The following GLIS3 variants were observed in gnomAD, a reference collection of about 807,000 sequenced individuals.
The protein encoded by GLIS3 is GLIS family zinc finger 3.
In GLIS3, 53 loss-of-function variants were observed where a neutral mutation model predicts 78.6. The observed-to-expected ratio is 0.67, with a 90% CI of 0.54 to 0.85. The LOEUF (loss-of-function observed/expected upper bound fraction) is 0.85, where lower values mean the gene tolerates loss of function less well. GLIS3 is among the 40% of genes least tolerant of loss of function. GLIS3 has a pLI of 0.00. For synonymous variants in GLIS3, 684 were observed against 509.9 expected (o/e 1.34, Z -4.60); for missense variants, 1,703 against 1,231.1 (o/e 1.38, Z -5.74).
chr9:4,383,717 C>G, the GLIS3 span, among the ~76,000 whole-genome samples: 2 of 152,196 alleles, frequency 1.3e-5, no homozygotes, highest in Admixed American at 1.3e-4. Context: ...GGTAATATGA[C>G]TTGATCATCT....
intron 2 of GLIS3, among the ~76,000 whole-genome samples, chr9:4,204,217 A>G (rs897702742): frequency 1.3e-5 from 2 of 152,214 alleles, no homozygotes; most frequent in Admixed American, 6.5e-5. Flanking sequence ...AATTTTGAAA[A>G]TATCTTCTGA....
At position 4,240,972 on chromosome 9, in the gene GLIS3, T is replaced by C. The variant is rs1427793486; in HGVS notation, c.388+45066A>G. On this transcript the variant is annotated intron_variant, in intron 2 of 10. Coordinates refer to ENST00000381971, the MANE Select transcript of GLIS3 (RefSeq NM_001042413.2). ...ATGTATGAGTGTGTGTGTGTGTGTG[T>C]ACGTGTGTACATATTTTAAACTAAT... Among the ~76,000 whole-genome samples, 11 of 146,418 alleles carry C rather than the reference T, an allele frequency of 7.5e-5. No individual in the cohort carries two copies. The Admixed American group carries it at 7.6e-4, about 10-fold the overall frequency.
chr9:4,028,185 A>G (rs1279057766), intron 4 of GLIS3, among the ~76,000 whole-genome samples: 3 of 152,228 alleles, frequency 2.0e-5, no homozygotes, highest in Admixed American at 6.5e-5. Context: ...TCCAATGCAC[A>G]TATAGGAGCC....
intron 4 of GLIS3, among the ~76,000 whole-genome samples, chr9:3,951,892 A>ACACACC (rs1229732174): frequency 2.7e-5 from 4 of 149,740 alleles, no homozygotes; most frequent in African/African-American, 9.8e-5. Context: ...ACACGCACGC[A>ACACACC]CACACCCACT....
Position 3,977,233 on chromosome 9 carries a change from C to T in GLIS3, c.1711-40044G>A, listed in dbSNP as rs990840332. 6.6e-6 allele frequency among the ~76,000 whole-genome samples: 1 copy of T among 152,150 alleles called. No homozygotes were observed. The highest frequency in any genetic ancestry group is 6.6e-5 in the Admixed American group (1 of 15,260). ...GACAAAAGACCTTGCTAGGCCACCC[C>T]TCCTCCACCCAGATATTAGATCCAC... On this transcript the variant is annotated intron_variant, in intron 4 of 10. Transcript: ENST00000381971. The surrounding 1 kb of genome is among the most constrained non-coding windows in gnomAD (Gnocchi z 4.1).
the GLIS3 span, among the ~76,000 whole-genome samples, chr9:4,471,861 A>T: frequency 1.3e-5 from 2 of 152,360 alleles, no homozygotes; most frequent in South Asian, 4.1e-4. Context: ...TACCCGTCTG[A>T]CAGAGGGCTA....
At chr9:4,372,307 G>C in the GLIS3 span, among the ~76,000 whole-genome samples, 1 of 152,066 alleles carries the variant, frequency 6.6e-6, no homozygotes, top group Non-Finnish European at 1.5e-5. Flanking sequence ...TTTTAACCAG[G>C]TTGTATTAAT....
chr9:4,316,238 C>T (rs1040706456), intron 2 of GLIS3, among the ~76,000 whole-genome samples: 2 of 152,164 alleles, frequency 1.3e-5, no homozygotes, highest in African/African-American at 2.4e-5. Context: ...AATCATTAAA[C>T]TCATCTAGCT....
chr9:4,119,055 C>T (rs1343612527), intron 3 of GLIS3, among the ~76,000 whole-genome samples, 174 bp from the exon 4 acceptor site: 1 of 152,158 alleles, frequency 6.6e-6, no homozygotes, highest in East Asian at 1.9e-4. Flanking sequence ...CTTCCAGTTC[C>T]AGGTAAATAA....
intron 2 of GLIS3, among the ~76,000 whole-genome samples, chr9:4,326,475 T>A (rs1294230874): frequency 6.6e-6 from 1 of 152,180 alleles, no homozygotes; most frequent in Admixed American, 6.5e-5. Context: ...AGATTCCACT[T>A]ACATGAAGTA....
In GLIS3 at chr9:4,118,554, C is replaced by T; in HGVS notation, c.924G>A (p.Leu308=). 1 of 1,614,246 alleles carries T rather than the reference C, an allele frequency of 6.2e-7. No homozygotes were observed. The highest frequency in any genetic ancestry group is 8.5e-7 in the Non-Finnish European group (1 of 1,180,044). Residue 308 remains leucine, a synonymous_variant, in exon 4 of 11, where the codon CTG becomes CTA. Transcript: ENST00000381971. This position sits in a 1 kb window ranked among gnomAD's most constrained non-coding sequence, Gnocchi z 4.7. ...TGAAATCTATCCCGATGCCATCGGA[C>T]AGCGGGGACAAGGACAGCGCTCTCT... ...SKKRALSLSP[L]SDGIGIDFNT... is the part of the protein sequence containing the mutation.
intron 2 of GLIS3, among the ~76,000 whole-genome samples, chr9:4,252,355 T>C (rs1349664802): frequency 2.0e-5 from 3 of 152,162 alleles, no homozygotes; most frequent in African/African-American, 7.2e-5. Context: ...TTTCATTAAG[T>C]TGATCTTTAA....
Position 4,126,370 on chromosome 9 carries a change from C to G in GLIS3, c.389-429G>C, listed in dbSNP as rs150479530. The stretch of plus-strand genomic sequence containing the variant: ...CCTGTTTAACTGGTTTACTTCATTC[C>G]AAATCTGTACTTCCAAAAAGTCCCT... On this transcript the variant is annotated intron_variant, in intron 2 of 10. Transcript: ENST00000381971. 8.5e-5 allele frequency among the ~76,000 whole-genome samples: 13 copies of G among 152,248 alleles called. No individual in the cohort carries two copies. The East Asian group carries it at 1.4e-3, about 16-fold the overall frequency.
chr9:3,850,148 G>C (rs1257874853), intron 9 of GLIS3, among the ~76,000 whole-genome samples: 2 of 152,172 alleles, frequency 1.3e-5, no homozygotes, highest in East Asian at 3.9e-4. Context: ...GTTCAGTGTG[G>C]CTATAGGCTC....
intron 2 of GLIS3, among the ~76,000 whole-genome samples, chr9:4,340,328 T>C (rs1395722550): frequency 7.1e-6 from 1 of 140,376 alleles, no homozygotes; most frequent in Non-Finnish European, 1.5e-5. Flanking sequence ...TTCCTTTATT[T>C]GCCATGACTG....
At chr9:4,155,957 C>T (rs536051412) in intron 2 of GLIS3, among the ~76,000 whole-genome samples, 1 of 152,242 alleles carries the variant, frequency 6.6e-6, no homozygotes, top group African/African-American at 2.4e-5. Context: ...TTCATTTATC[C>T]CCTATTATTC....
intron 6 of GLIS3, among the ~76,000 whole-genome samples, chr9:3,905,455 G>C (rs1400641809): frequency 1.3e-5 from 2 of 152,100 alleles, no homozygotes; most frequent in African/African-American, 4.8e-5. Context: ...TTGGAGTAGA[G>C]ATTGAAGCAA....
rs144003559 is a variant in GLIS3, at chr9:4,314,564, C to T, written n.265-4036G>A. 7.2e-4 allele frequency among the ~76,000 whole-genome samples: 110 copies of T among 152,346 alleles called. No homozygotes were observed. In the East Asian group the frequency reaches 0.021, roughly 29 times the overall value. On this transcript the variant is annotated intron_variant and non_coding_transcript_variant, in intron 2 of 4. Transcript: ENST00000471664. Reference sequence around the variant, plus strand: ...AAAGAAAGTAAGGGATCTTCTGTCACTCACAGTGCAGGGTAAACCTCTACT... The same window carrying T: ...AAAGAAAGTAAGGGATCTTCTGTCATTCACAGTGCAGGGTAAACCTCTACT...
intron 2 of GLIS3, among the ~76,000 whole-genome samples, chr9:4,327,303 T>C (rs1488351751): frequency 6.6e-6 from 1 of 152,006 alleles, no homozygotes; most frequent in Non-Finnish European, 1.5e-5. Flanking sequence ...TGTAGGGCCA[T>C]GTTGTATTCA....
Sources: gnomAD v4.1 joint callset for allele counts (sites outside exome capture counted in the v4.1 genomes callset) on GRCh38, gnomAD v4.1.1 for gene constraint, Gnocchi (gnomAD v3.1) non-coding constraint, MANE v1.5 for transcripts, NCBI Gene and HGNC (gene_info 2026-07-23, HGNC 2026-07-21) for gene names.